NELL1: variants seen among roughly 807,000 people sequenced by gnomAD.
NELL1 encodes neural EGFL like 1.
NELL1 carries 76 observed loss-of-function variants against 107.4 expected under a neutral mutation model. The observed-to-expected ratio is 0.71, with a 90% CI of 0.59 to 0.86. NELL1 has a LOEUF of 0.86. Ranked by LOEUF, NELL1 falls within the 40% of genes least tolerant of loss-of-function variation. The pLI, the probability that NELL1 is intolerant of heterozygous loss-of-function variation, is 0.00. For synonymous variants in NELL1, 353 were observed against 341.2 expected, an observed-to-expected ratio of 1.03 and a Z score of -0.38; for missense variants, 1,024 against 1,005.5, an observed-to-expected ratio of 1.02 and a Z score of -0.25.
At chr11:21,489,380 CAAAAAAAAAAAAAAAAA>C (rs1163644356) in intron 15 of NELL1, among the ~76,000 whole-genome samples, 6 of 47,790 alleles carry the variant, frequency 1.3e-4, no homozygotes, top group Admixed American at 7.6e-4. Context: ...GAAAGTATTT[CAAAAAAAAAAAAAAAAA>C]AAAAAAAAAA....
chr11:21,509,115 T>G (rs1855369975), intron 15 of NELL1, among the ~76,000 whole-genome samples: 1 of 152,166 alleles, frequency 6.6e-6, no homozygotes, highest in Admixed American at 6.5e-5. Context: ...TCAATAAATA[T>G]ATAGAAAGAT....
intron 12 of NELL1, among the ~76,000 whole-genome samples, chr11:21,043,207 T>C (rs953369914): frequency 2.6e-5 from 4 of 152,174 alleles, no homozygotes; most frequent in African/African-American, 9.6e-5. Context: ...AAAGTATTTA[T>C]TGTGCACCTA....
intron 13 of NELL1, among the ~76,000 whole-genome samples, chr11:21,144,992 C>T (rs1855946230): frequency 1.3e-5 from 2 of 152,120 alleles, no homozygotes; most frequent in African/African-American, 2.4e-5. Context: ...CCTCAGTTTC[C>T]TCAGTCACAA....
intron 14 of NELL1, among the ~76,000 whole-genome samples, chr11:21,255,943 G>A (rs1045897406): frequency 2.6e-5 from 4 of 151,790 alleles, no homozygotes; most frequent in Admixed American, 6.6e-5. Context: ...TTCCTTTAGC[G>A]CTCAAACATG....
At chr11:21,455,136 G>T (rs560141530) in intron 15 of NELL1, among the ~76,000 whole-genome samples, 2 of 152,038 alleles carry the variant, frequency 1.3e-5, no homozygotes, top group East Asian at 3.9e-4. Context: ...CATTTCTTAT[G>T]AAAATATATT....
chr11:21,441,433 A>G (rs1457464749), intron 15 of NELL1, among the ~76,000 whole-genome samples: 2 of 148,476 alleles, frequency 1.3e-5, no homozygotes, highest in African/African-American at 5.0e-5. Flanking sequence ...TTATCTTCCC[A>G]CTTGTATTGC....
chr11:21,203,046 T>C (rs780409377), intron 13 of NELL1, among the ~76,000 whole-genome samples: 1 of 152,206 alleles, frequency 6.6e-6, no homozygotes, highest in African/African-American at 2.4e-5. Context: ...TCCAGTTATG[T>C]GGTCAATTTT....
chr11:21,044,934 G>A (rs1853320835), intron 12 of NELL1, among the ~76,000 whole-genome samples: 1 of 152,138 alleles, frequency 6.6e-6, no homozygotes, highest in Non-Finnish European at 1.5e-5. Flanking sequence ...CTACACAGCT[G>A]GTTGTGTGAA....
intron 12 of NELL1, among the ~76,000 whole-genome samples, chr11:21,013,251 T>C (rs910141024): frequency 6.6e-6 from 1 of 152,124 alleles, no homozygotes; most frequent in African/African-American, 2.4e-5. Context: ...TTTGACCTCA[T>C]AAGCAGAACT....
At chr11:21,268,711 G>A (rs971947231) in intron 14 of NELL1, among the ~76,000 whole-genome samples, 1 of 152,114 alleles carries the variant, frequency 6.6e-6, no homozygotes, top group Non-Finnish European at 1.5e-5. Flanking sequence ...GTTTATTACA[G>A]TCCCTTTTAC....
intron 3 of NELL1, among the ~76,000 whole-genome samples, chr11:20,815,211 C>A (rs906879178): frequency 1.3e-5 from 2 of 151,918 alleles, no homozygotes; most frequent in Non-Finnish European, 2.9e-5. Flanking sequence ...ATTACAGGTG[C>A]CTGCCACCAC....
chr11:21,354,445 G>A (rs1384415204), intron 14 of NELL1, among the ~76,000 whole-genome samples: 1 of 151,936 alleles, frequency 6.6e-6, no homozygotes, highest in African/African-American at 2.4e-5. Context: ...TGCTTCTCAG[G>A]CACCTGATGT....
intron 15 of NELL1, among the ~76,000 whole-genome samples, chr11:21,379,640 A>G (rs941787883): frequency 6.6e-6 from 1 of 152,128 alleles, no homozygotes; most frequent in African/African-American, 2.4e-5. Flanking sequence ...TAAAGAGAAC[A>G]TAACAGTCAA....
chr11:21,004,804 A>G (rs1852295336), intron 12 of NELL1, among the ~76,000 whole-genome samples: 2 of 152,142 alleles, frequency 1.3e-5, no homozygotes, highest in South Asian at 2.1e-4. Flanking sequence ...CCAAAGGAAC[A>G]TTGGCTGCAA....
At chr11:21,468,879 G>T (rs1226320566) in intron 15 of NELL1, among the ~76,000 whole-genome samples, 1 of 152,066 alleles carries the variant, frequency 6.6e-6, no homozygotes, top group African/African-American at 2.4e-5. Flanking sequence ...ATGAGCCAAG[G>T]TTCTCCTGAG....
In NELL1 at chr11:21,439,965, G is replaced by A. The variant is rs113005701; in HGVS notation, c.1645+69017G>A. On this transcript the variant is annotated intron_variant, in intron 15 of 19. Transcript: ENST00000357134. The stretch of plus-strand genomic sequence containing the variant: ...TTCTTGCAGATAAAGAAAATAATGA[G>A]AAATATTACCTGCCTTTTGGGAGCT... Among the ~76,000 whole-genome samples the A allele has an allele frequency of 8.5e-4, 130 of 152,178 alleles. 1 individual carries two copies. The highest frequency in any genetic ancestry group is 2.7e-3 in the African/African-American group (111 of 41,520).
intron 14 of NELL1, among the ~76,000 whole-genome samples, chr11:21,348,115 A>T (rs995482912): frequency 9.8e-6 from 1 of 102,532 alleles, no homozygotes; most frequent in African/African-American, 3.3e-5. Context: ...TTCCAGAATA[A>T]TTTTTTCTAT....
At chr11:21,151,052 C>T (rs2133786574) in intron 13 of NELL1, among the ~76,000 whole-genome samples, 1 of 152,196 alleles carries the variant, frequency 6.6e-6, no homozygotes, top group African/African-American at 2.4e-5. Context: ...GGAAATCCAC[C>T]CCTGTGATCC....
chr11:21,246,308 T>G (rs1214065107), intron 14 of NELL1, among the ~76,000 whole-genome samples: 1 of 152,134 alleles, frequency 6.6e-6, no homozygotes, highest in Non-Finnish European at 1.5e-5. Flanking sequence ...GGAGGTTAGA[T>G]GTCAAGAAAA....
Sources: allele counts gnomAD v4.1 joint callset (sites outside exome capture counted in the v4.1 genomes callset), GRCh38; gene constraint gnomAD v4.1.1; transcripts MANE v1.5; gene names NCBI Gene and HGNC (gene_info 2026-07-23, HGNC 2026-07-21).